Variants in GRID1 observed in about 807,000 individuals in gnomAD.
GRID1 encodes glutamate receptor ionotropic, delta-1.
In GRID1, 28 loss-of-function variants were observed where a neutral mutation model predicts 98.0. The ratio of observed to expected loss-of-function variants is 0.29; its 90% CI spans 0.21 to 0.39. The LOEUF is 0.39. Ranked by LOEUF, GRID1 falls within the 10% of genes least tolerant of loss-of-function variation. The pLI, the probability that GRID1 is intolerant of heterozygous loss-of-function variation, is 1.00. For missense variants in GRID1, 1,111 were observed against 1,340.5 expected, an observed-to-expected ratio of 0.83 and a Z score of 2.67; for synonymous variants, 553 against 538.5, an observed-to-expected ratio of 1.03 and a Z score of -0.37.
At chr10:85,815,890 C>CT (rs920705103) in intron 8 of GRID1, among the ~76,000 whole-genome samples, 2 of 151,736 alleles carry the variant, frequency 1.3e-5, no homozygotes, top group African/African-American at 2.4e-5. Flanking sequence ...AAAACAACTC[C>CT]TTTTTTGTAA....
chr10:85,911,166 TCA>T (rs1841532017), intron 5 of GRID1, among the ~76,000 whole-genome samples: 1 of 152,196 alleles, frequency 6.6e-6, no homozygotes, highest in African/African-American at 2.4e-5. Flanking sequence ...AGCATTCATA[TCA>T]CAGTCTTTTT....
In GRID1 at chr10:86,262,031, G is replaced by T. The variant is rs186601836; in HGVS notation, c.236-55383C>A. Among the ~76,000 whole-genome samples the T allele has an allele frequency of 5.3e-5, 8 of 152,230 alleles. No individual in the cohort carries two copies. The East Asian group carries it at 5.8e-4, about 11-fold the overall frequency. On this transcript the variant is annotated intron_variant, in intron 2 of 15. Coordinates refer to ENST00000327946, the MANE Select transcript of GRID1 (RefSeq NM_017551.3). ...CATCGGCAGGTGAAAACTGAGGCTC[G>T]GATAGGTGAAGCAGTGTGTCCAGCG...
intron 2 of GRID1, among the ~76,000 whole-genome samples, chr10:86,330,101 G>C (rs73340230): frequency 0.01 from 1,538 of 152,134 alleles, 32 homozygotes; most frequent in African/African-American, 0.035. Flanking sequence ...CCTGTATCAT[G>C]GACGAGACCG....
intron 2 of GRID1, among the ~76,000 whole-genome samples, chr10:86,360,877 T>C (rs948060442): frequency 1.3e-5 from 2 of 152,166 alleles, no homozygotes; most frequent in Admixed American, 6.5e-5. Context: ...CAGGCTCTTA[T>C]CACTGCATGG....
At chr10:86,145,514 A>C (rs894181505) in intron 3 of GRID1, among the ~76,000 whole-genome samples, 2 of 141,124 alleles carry the variant, frequency 1.4e-5, no homozygotes, top group Non-Finnish European at 3.0e-5. Context: ...CCAGAAAAAG[A>C]AGCTCTTTGC....
chr10:85,733,899 C>A (rs956274153), intron 8 of GRID1, among the ~76,000 whole-genome samples: 5 of 152,204 alleles, frequency 3.3e-5, no homozygotes, highest in Admixed American at 6.5e-5. Flanking sequence ...TATAAGTAAT[C>A]ATTATTACCT....
At chr10:85,609,751 C>T (rs1353711809) in intron 15 of GRID1, among the ~76,000 whole-genome samples, 1 of 152,232 alleles carries the variant, frequency 6.6e-6, no homozygotes, top group Non-Finnish European at 1.5e-5. Flanking sequence ...AACTCTGAGC[C>T]CAGTGATGGA....
chr10:85,611,290 T>C lies in GRID1; in HGVS notation c.2601+2117A>G, dbSNP rs1464767130. On this transcript the variant is annotated intron_variant, in intron 15 of 15. Coordinates refer to ENST00000327946, the MANE Select transcript of GRID1 (RefSeq NM_017551.3). ...GTCCAAACCGTCACTAAACTAGGCA[T>C]TGTGAAGGGACAAAGCTAAAAGCAG... 2.0e-5 allele frequency among the ~76,000 whole-genome samples: 3 copies of C among 152,202 alleles called. No homozygotes were observed. The East Asian group carries it at 5.8e-4, about 29-fold the overall frequency.
intron 2 of GRID1, among the ~76,000 whole-genome samples, chr10:86,220,563 G>A (rs1222642388): frequency 6.6e-6 from 1 of 152,178 alleles, no homozygotes; most frequent in Non-Finnish European, 1.5e-5. Context: ...ACCAAGCTAG[G>A]AGAGTGAGGT....
chr10:85,760,478 C>T (rs1462640428), intron 8 of GRID1, among the ~76,000 whole-genome samples: 2 of 152,186 alleles, frequency 1.3e-5, no homozygotes, highest in African/African-American at 4.8e-5. Flanking sequence ...AACAATTTAG[C>T]TCCTTCTTTT....
At chr10:85,908,358 A>G (rs1311037848) in intron 5 of GRID1, among the ~76,000 whole-genome samples, 1 of 152,208 alleles carries the variant, frequency 6.6e-6, no homozygotes. Flanking sequence ...ATACAAGATC[A>G]ATATGCAAAA....
chr10:86,013,011 C>A (rs1842938667), intron 4 of GRID1, among the ~76,000 whole-genome samples: 3 of 152,156 alleles, frequency 2.0e-5, no homozygotes, highest in Admixed American at 2.0e-4. Flanking sequence ...CTTGACTAAT[C>A]CTAATTCCTG....
At chr10:85,727,703 T>A in intron 10 of GRID1, 152 bp downstream of exon 10, 1 of 628,930 alleles carries the variant, frequency 1.6e-6, no homozygotes, top group South Asian at 1.9e-5. Flanking sequence ...AGCAGGGGAT[T>A]TGAAGACAAA....
At chr10:86,230,242 C>T (rs781617575) in intron 2 of GRID1, among the ~76,000 whole-genome samples, 11 of 152,222 alleles carry the variant, frequency 7.2e-5, no homozygotes, top group Non-Finnish European at 1.6e-4. Flanking sequence ...CCCACCCTAC[C>T]CCAACCCAGA....
intron 4 of GRID1, among the ~76,000 whole-genome samples, chr10:86,008,821 G>GT (rs1440065640): frequency 6.6e-6 from 1 of 152,160 alleles, no homozygotes; most frequent in Non-Finnish European, 1.5e-5. Flanking sequence ...CAATTTGGGA[G>GT]TTTTTTGGTT....
intron 12 of GRID1, among the ~76,000 whole-genome samples, chr10:85,719,078 G>A (rs1459967969): frequency 2.0e-5 from 3 of 152,152 alleles, no homozygotes; most frequent in African/African-American, 4.8e-5. Flanking sequence ...GGGCAGGGGC[G>A]AAATGCCGCT....
intron 3 of GRID1, among the ~76,000 whole-genome samples, chr10:86,143,286 C>G (rs1845035178): frequency 1.3e-5 from 2 of 152,218 alleles, no homozygotes; most frequent in African/African-American, 4.8e-5. Flanking sequence ...CATGCTGCAG[C>G]CCTCCTGCCA....
intron 2 of GRID1, among the ~76,000 whole-genome samples, chr10:86,285,058 C>G (rs111777338): frequency 0.029 from 4,336 of 151,996 alleles, 112 homozygotes; most frequent in Non-Finnish European, 0.043. Flanking sequence ...GTGAGGCAGT[C>G]AAGAAGAGGA....
rs781500570 is a variant in GRID1 at position 86,138,841 on chromosome 10, C to A, written c.704G>T (p.Gly235Val). 6.2e-7 allele frequency: 1 copy of A among 1,614,028 alleles called. No homozygotes were observed. The highest frequency in any genetic ancestry group is 8.5e-7 in the Non-Finnish European group (1 of 1,180,006). Residue 235 changes from glycine (G) to valine (V), a missense_variant, in exon 4 of 16, where the codon GGA (glycine) becomes GTA (valine). This residue lies in a region of GRID1 where 346 missense variants were observed against 452.3 expected (regional missense o/e 0.76). Transcript: ENST00000327946. The part of the protein sequence containing the change: ...RRAILLLSPQ[G>V]AHSFINEAVE... Reference sequence around the variant, plus strand: ...TACCTCGTTGATGAAGGAGTGGGCTCCCTGTGGGCTGAGCAGCAGGATGGC... The same window carrying A: ...TACCTCGTTGATGAAGGAGTGGGCTACCTGTGGGCTGAGCAGCAGGATGGC...
Sources: allele counts gnomAD v4.1 joint callset (sites outside exome capture counted in the v4.1 genomes callset), GRCh38; gene constraint gnomAD v4.1.1; regional missense constraint gnomAD v4.1.1; transcripts MANE v1.5; gene names NCBI Gene and HGNC (gene_info 2026-07-23, HGNC 2026-07-21).